EYS: variants seen among roughly 807,000 people sequenced by gnomAD.
EYS encodes the protein protein eyes shut homolog.
EYS carries 250 observed loss-of-function variants against 282.1 expected under a neutral mutation model. That is an observed-to-expected ratio of 0.89 (90% confidence interval 0.80 to 0.98). The LOEUF is 0.98. Among genes scored for constraint, EYS ranks in the 50% least tolerant of loss-of-function variants. The probability of loss-of-function intolerance (pLI) is 0.00; values close to 1 mark genes in which losing one functional copy is unlikely to be tolerated. For synonymous variants in EYS, 1,355 were observed against 1,282.9 expected, an observed-to-expected ratio of 1.06 and a Z score of -1.20; for missense variants, 4,016 against 3,709.0, an observed-to-expected ratio of 1.08 and a Z score of -2.15.
chr6:64,097,454 G>A (rs575562926), intron 31 of EYS, among the ~76,000 whole-genome samples: 94 of 152,232 alleles, frequency 6.2e-4, no homozygotes, highest in African/African-American at 1.7e-3. Flanking sequence ...CATCAGTTGC[G>A]GAGGCCCCTC....
chr6:64,044,421 G>A (rs773994514), intron 33 of EYS, among the ~76,000 whole-genome samples: 4 of 152,172 alleles, frequency 2.6e-5, no homozygotes, highest in Non-Finnish European at 4.4e-5. Flanking sequence ...GTTAAAATGT[G>A]ATGAAGGCTA....
At chr6:64,762,478 G>A (rs769771499) in intron 22 of EYS, among the ~76,000 whole-genome samples, 10 of 152,202 alleles carry the variant, frequency 6.6e-5, no homozygotes, top group Non-Finnish European at 1.3e-4. Context: ...CAACATGAGA[G>A]TGATGTAACA....
At chr6:63,775,106 T>A (rs1269425698) in intron 40 of EYS, among the ~76,000 whole-genome samples, 1 of 152,202 alleles carries the variant, frequency 6.6e-6, no homozygotes, top group Non-Finnish European at 1.5e-5. Flanking sequence ...GAACTCTGCC[T>A]TATGATACTC....
intron 12 of EYS, among the ~76,000 whole-genome samples, chr6:65,141,968 C>G (rs1009421327): frequency 7.2e-5 from 11 of 151,900 alleles, no homozygotes; most frequent in African/African-American, 2.7e-4. Flanking sequence ...AAAGAATGAA[C>G]CTTGGAACCC....
chr6:64,645,835 A>C (rs1768333154), intron 22 of EYS, among the ~76,000 whole-genome samples: 1 of 152,182 alleles, frequency 6.6e-6, no homozygotes, highest in Admixed American at 6.5e-5. Flanking sequence ...AATTTACATT[A>C]TTAATAGTGC....
At chr6:64,792,298 A>G (rs960125791) in intron 22 of EYS, among the ~76,000 whole-genome samples, 5 of 151,958 alleles carry the variant, frequency 3.3e-5, no homozygotes, top group Non-Finnish European at 7.4e-5. Flanking sequence ...GTAACTCATA[A>G]TGTTCTGGAT....
At chr6:64,837,074 A>G (rs1178781060) in intron 19 of EYS, among the ~76,000 whole-genome samples, 1 of 151,724 alleles carries the variant, frequency 6.6e-6, no homozygotes, top group Non-Finnish European at 1.5e-5. Flanking sequence ...ACTGCATAAA[A>G]CTAATAATAA....
intron 19 of EYS, among the ~76,000 whole-genome samples, chr6:64,868,473 T>C (rs1306211266): frequency 2.6e-5 from 4 of 151,636 alleles, no homozygotes; most frequent in Non-Finnish European, 5.9e-5. Flanking sequence ...TAATCTTATA[T>C]AACTCCATCA....
At chr6:63,840,721 A>G (rs1771933929) in intron 36 of EYS, among the ~76,000 whole-genome samples, 1 of 152,074 alleles carries the variant, frequency 6.6e-6, no homozygotes, top group South Asian at 2.1e-4. Flanking sequence ...TGTATATGCT[A>G]AGAGAGAGGG....
intron 22 of EYS, among the ~76,000 whole-genome samples, chr6:64,811,968 T>C (rs527798294): frequency 1.4e-4 from 22 of 152,168 alleles, no homozygotes; most frequent in Non-Finnish European, 2.6e-4. Context: ...AATCAATTTT[T>C]TTATTGAACA....
chr6:63,966,044 A>G (rs2149779543), intron 35 of EYS, among the ~76,000 whole-genome samples: 1 of 152,306 alleles, frequency 6.6e-6, no homozygotes, highest in South Asian at 2.1e-4. Context: ...CTATTTTTAA[A>G]ATGTGCACTA....
chr6:65,319,219 A>G (rs1371110540), intron 11 of EYS, among the ~76,000 whole-genome samples: 1 of 147,280 alleles, frequency 6.8e-6, no homozygotes, highest in Admixed American at 6.8e-5. Context: ...AAAAAAAAAA[A>G]AAAAAAAACA....
intron 12 of EYS, among the ~76,000 whole-genome samples, chr6:65,204,967 T>A (rs1765994792): frequency 8.1e-6 from 1 of 123,320 alleles, no homozygotes; most frequent in African/African-American, 3.1e-5. Context: ...AGAATATATT[T>A]ATATATTCTA....
At chr6:64,450,363 C>A (rs1216594149) in intron 26 of EYS, among the ~76,000 whole-genome samples, 2 of 152,076 alleles carry the variant, frequency 1.3e-5, no homozygotes, top group Non-Finnish European at 2.9e-5. Flanking sequence ...TAAAGCAAGT[C>A]CTTAGTTACC....
chr6:64,082,912 C>CT (rs34941425), intron 31 of EYS, among the ~76,000 whole-genome samples: 37,134 of 142,500 alleles, frequency 0.26, 4,850 homozygotes, highest in East Asian at 0.43. Flanking sequence ...AATGCAACTT[C>CT]TTTTTTTTTT....
intron 26 of EYS, among the ~76,000 whole-genome samples, chr6:64,514,031 C>T (rs973321027): frequency 6.1e-4 from 92 of 151,752 alleles, no homozygotes; most frequent in African/African-American, 2.0e-3. Context: ...GAAATAATTA[C>T]GATGCCTTTT....
At chr6:63,848,667 T>C (rs1480688590) in intron 36 of EYS, among the ~76,000 whole-genome samples, 1 of 152,062 alleles carries the variant, frequency 6.6e-6, no homozygotes, top group African/African-American at 2.4e-5. Context: ...ACTATGCTTT[T>C]CCCATGGTCT....
At chr6:65,097,678 A>T (rs1329243191) in intron 12 of EYS, among the ~76,000 whole-genome samples, 1 of 150,934 alleles carries the variant, frequency 6.6e-6, no homozygotes, top group Non-Finnish European at 1.5e-5. Context: ...CTTGAAGAAG[A>T]AGGAAGTCTT....
At chr6:63,978,113 A>G (rs1408267017) in intron 35 of EYS, among the ~76,000 whole-genome samples, 1 of 152,052 alleles carries the variant, frequency 6.6e-6, no homozygotes, top group African/African-American at 2.4e-5. Flanking sequence ...ATGACAGAAG[A>G]AAACATTCTT....
Sources: allele counts gnomAD v4.1 joint callset (sites outside exome capture counted in the v4.1 genomes callset), GRCh38; gene constraint gnomAD v4.1.1; transcripts MANE v1.5; gene names NCBI Gene and HGNC (gene_info 2026-07-23, HGNC 2026-07-21).